Variants in IFT80 observed in about 807,000 individuals in gnomAD.
IFT80 encodes intraflagellar transport protein 80 homolog.
IFT80 carries 79 observed loss-of-function variants against 107.9 expected under a neutral mutation model. The observed-to-expected ratio is 0.73, with a 90% CI of 0.61 to 0.88. The LOEUF is 0.88. IFT80 is among the 40% of genes least tolerant of loss of function. The pLI is 0.00. For missense variants in IFT80, 797 were observed against 914.2 expected (o/e 0.87, Z 1.65); for synonymous variants, 299 against 300.9 (o/e 0.99, Z 0.07).
intron 16 of IFT80, 119 bp from the exon 17 acceptor site, chr3:160,277,789 G>T (rs1472318430): frequency 4.2e-6 from 3 of 708,826 alleles, no homozygotes; most frequent in African/African-American, 1.8e-5. Context: ...AAATTACTGA[G>T]CAGGGCATTA....
intron 1 of IFT80, among the ~76,000 whole-genome samples, chr3:160,395,513 C>T (rs1713707018): frequency 6.6e-6 from 1 of 152,182 alleles, no homozygotes; most frequent in South Asian, 2.1e-4. Context: ...AGACTTAAGC[C>T]AATTAGAGCA....
At chr3:160,304,435 CTTTT>C (rs869204306) in intron 10 of IFT80, among the ~76,000 whole-genome samples, 2 of 129,152 alleles carry the variant, frequency 1.5e-5, no homozygotes, top group Non-Finnish European at 1.6e-5. Context: ...TTGATTTTTT[CTTTT>C]TTTTTTTTTT....
intron 9 of IFT80, among the ~76,000 whole-genome samples, chr3:160,318,417 T>C (rs1277854687): frequency 6.6e-6 from 1 of 152,072 alleles, no homozygotes; most frequent in Admixed American, 6.6e-5. Flanking sequence ...ATAGAGGCAA[T>C]TGATACAGGC....
At position 160,257,289 on chromosome 3, in the gene IFT80, T is replaced by TTGTGTGTGTG. The variant is rs530736462; in HGVS notation, c.*1226_*1235dup. ...TAAGAGAGGTAATCTCTCTATCCCTTTGTGTGTGTGTGTATATATATATAT... is the reference window on the plus strand; with the variant it reads ...TAAGAGAGGTAATCTCTCTATCCCTTTGTGTGTGTGTGTGTGTGTGTGTATATATATATAT... On this transcript the variant is annotated 3_prime_UTR_variant, in exon 20 of 20. Transcript: ENST00000326448. The TTGTGTGTGTG allele has an allele frequency of 2.0e-5, 3 of 151,878 alleles. No individual in the cohort carries two copies. The South Asian group carries it at 6.2e-4, about 32-fold the overall frequency. The allele number at this position is 151,878 out of a possible 1,614,324, so 9.4% of individuals were successfully genotyped here. A position where few individuals can be genotyped will look rare whatever the true frequency, so the allele number is the denominator to read the frequency against.
chr3:160,361,964 G>A (rs994859910), intron 6 of IFT80, among the ~76,000 whole-genome samples: 22 of 152,084 alleles, frequency 1.4e-4, no homozygotes, highest in Middle Eastern at 3.2e-3. Flanking sequence ...ACAATTAAAA[G>A]AACTAGAGAA....
chr3:160,378,357 C>G (rs994489363), intron 3 of IFT80, among the ~76,000 whole-genome samples: 1 of 151,886 alleles, frequency 6.6e-6, no homozygotes, highest in African/African-American at 2.4e-5. Flanking sequence ...TCTGATTTAT[C>G]ATAGCACTAT....
chr3:160,312,939 TAATA>T (rs1353222073), intron 9 of IFT80, among the ~76,000 whole-genome samples: 1 of 50,942 alleles, frequency 2.0e-5, no homozygotes, highest in Non-Finnish European at 3.3e-5. Flanking sequence ...ATATAATATA[TAATA>T]AATATATATT....
At position 160,358,529 on chromosome 3, in the gene IFT80, TAC is replaced by T. The variant is rs1328130728; in HGVS notation, c.550-953_550-952del. Among the ~76,000 whole-genome samples the T allele has an allele frequency of 9.9e-5, 15 of 152,264 alleles. No homozygotes were observed. The South Asian group carries it at 3.1e-3, about 32-fold the overall frequency. On this transcript the variant is annotated intron_variant, in intron 6 of 19. Coordinates refer to ENST00000326448, the MANE Select transcript of IFT80 (RefSeq NM_020800.3). ...TATTCTATACATTCATTCTTTGGTA[TAC>T]AGTCATTCTTTGGTATCTGTGGGGG... is the stretch of plus-strand genomic sequence containing the variant.
chr3:160,291,819 G>A (rs528473704), intron 12 of IFT80, among the ~76,000 whole-genome samples: 7 of 152,294 alleles, frequency 4.6e-5, no homozygotes, highest in Admixed American at 2.6e-4. Flanking sequence ...TGCCTATGGG[G>A]AGACTTCCCC....
chr3:160,377,807 T>C (rs1408592215), intron 3 of IFT80: 2 of 268,380 alleles, frequency 7.5e-6, no homozygotes, highest in Non-Finnish European at 7.0e-6. Flanking sequence ...ATAAACCTTT[T>C]GATTTAGTTA....
intron 9 of IFT80, among the ~76,000 whole-genome samples, chr3:160,318,151 T>G (rs1472663469): frequency 6.6e-6 from 1 of 151,778 alleles, no homozygotes; most frequent in Non-Finnish European, 1.5e-5. Flanking sequence ...TAGTGATTAC[T>G]GGGGCTGGGT....
chr3:160,318,842 G>C (rs1718005314), intron 9 of IFT80, among the ~76,000 whole-genome samples: 1 of 151,908 alleles, frequency 6.6e-6, no homozygotes, highest in Non-Finnish European at 1.5e-5. Context: ...CCCTAATACA[G>C]GTCATAAAAC....
intron 11 of IFT80, among the ~76,000 whole-genome samples, chr3:160,301,302 T>C (rs1716407491): frequency 6.6e-6 from 1 of 151,940 alleles, no homozygotes; most frequent in Admixed American, 6.5e-5. Flanking sequence ...CCCTATACAC[T>C]AAAATTCTGA....
At chr3:160,290,988 C>T (rs1314057209) in intron 12 of IFT80, among the ~76,000 whole-genome samples, 1 of 152,194 alleles carries the variant, frequency 6.6e-6, no homozygotes, top group African/African-American at 2.4e-5. Flanking sequence ...TAAATCCACC[C>T]TTTAAGCAAT....
chr3:160,261,625 C>A (rs1309364575), intron 19 of IFT80, among the ~76,000 whole-genome samples: 2 of 150,074 alleles, frequency 1.3e-5, no homozygotes, highest in Admixed American at 1.3e-4. Flanking sequence ...CATAGTGAGA[C>A]CCTGTCTATA....
chr3:160,322,211 G>T (rs1718289496), intron 8 of IFT80, among the ~76,000 whole-genome samples: 1 of 101,842 alleles, frequency 9.8e-6, no homozygotes, highest in Admixed American at 1.5e-4. Flanking sequence ...ACAGTCCCCA[G>T]AGTGTGATGT....
chr3:160,268,280 TA>T, intron 19 of IFT80, 132 bp downstream of exon 19: 5 of 784,318 alleles, frequency 6.4e-6, no homozygotes, highest in Non-Finnish European at 1.0e-5. Flanking sequence ...TAAGATGTCA[TA>T]AGGCAAAAAG....
chr3:160,279,982 G>A (rs1714559586), intron 15 of IFT80, among the ~76,000 whole-genome samples: 1 of 152,036 alleles, frequency 6.6e-6, no homozygotes, highest in African/African-American at 2.4e-5. Flanking sequence ...TTTTTCATTA[G>A]TCCAAATACT....
intron 8 of IFT80, among the ~76,000 whole-genome samples, chr3:160,328,520 A>G (rs1428108491): frequency 1.3e-5 from 2 of 151,768 alleles, no homozygotes; most frequent in East Asian, 3.9e-4. Context: ...GGTTGTACAG[A>G]AAAAGGAATG....
Sources: allele counts gnomAD v4.1 joint callset (sites outside exome capture counted in the v4.1 genomes callset), GRCh38; gene constraint gnomAD v4.1.1; transcripts MANE v1.5; gene names NCBI Gene and HGNC (gene_info 2026-07-23, HGNC 2026-07-21).